LAYN: variants seen among roughly 807,000 people sequenced by gnomAD.
LAYN encodes the protein layilin.
In LAYN, 38 loss-of-function variants were observed where a neutral mutation model predicts 43.6. The ratio of observed to expected loss-of-function variants is 0.87; its 90% CI spans 0.67 to 1.14. The LOEUF (loss-of-function observed/expected upper bound fraction) is 1.14. Ranked by LOEUF, LAYN falls within the 50% of genes most tolerant of loss-of-function variation. The pLI is 0.00. For synonymous variants in LAYN, 168 were observed against 172.9 expected, an observed-to-expected ratio of 0.97 and a Z score of 0.22; for missense variants, 479 against 463.8, an observed-to-expected ratio of 1.03 and a Z score of -0.30.
intron 2 of LAYN, among the ~76,000 whole-genome samples, chr11:111,548,467 G>A (rs1867685372): frequency 1.3e-5 from 2 of 152,218 alleles, no homozygotes; most frequent in Non-Finnish European, 2.9e-5. Context: ...AGTCAGGGTA[G>A]GAGGCCCAAC....
At chr11:111,541,063 C>T in intron 1 of LAYN, 135 bp downstream of exon 1, 1 of 808,548 alleles carries the variant, frequency 1.2e-6, no homozygotes, top group South Asian at 1.7e-5. Context: ...CGCAGCCCTT[C>T]GGAGTCTCTT....
At position 111,544,340 on chromosome 11, in the gene LAYN, GA is replaced by G. The variant is rs1444213577; in HGVS notation, c.383+123del. On this transcript the variant is annotated intron_variant, in intron 2 of 6. Transcript: ENST00000375614. ...GACCAACCAGGCAGATCTCTGAAGG[GA>G]AAGTAGCACCAGAATAGCTGCTGAC... The G allele has an allele frequency of 1.7e-5, 17 of 986,370 alleles. No individual in the cohort carries two copies. The African/African-American group carries it at 2.8e-4, about 16-fold the overall frequency. The allele number at this position is 986,370 out of a possible 1,614,324, so 61.1% of individuals were successfully genotyped here.
chr11:111,545,781 C>T (rs1331369530), intron 2 of LAYN, among the ~76,000 whole-genome samples: 1 of 152,198 alleles, frequency 6.6e-6, no homozygotes, highest in East Asian at 1.9e-4. Context: ...GAGGCTACTC[C>T]TGCTTCCACC....
rs374011166 is a variant in LAYN, at chr11:111,560,231, C to T, written c.898C>T (p.Pro300Ser). Reference sequence around the variant, plus strand: ...CGAAGCTGACTTAGCTGAGACCCGGCCAGACCTGAAGAATATTTCATTCCG... The same window carrying T: ...CGAAGCTGACTTAGCTGAGACCCGGTCAGACCTGAAGAATATTTCATTCCG... ...QSEADLAETRPDLKNISFRVC... is the reference protein window; with the variant it reads ...QSEADLAETRSDLKNISFRVC... The change falls in exon 7 of 7, where the codon CCA (proline) becomes TCA (serine). Residue 300 changes from proline (P) to serine (S), a missense_variant. Coordinates refer to ENST00000375614, the MANE Select transcript of LAYN (RefSeq NM_178834.5). 6.2e-7 allele frequency: 1 copy of T among 1,614,088 alleles called. No homozygotes were observed. The highest frequency in any genetic ancestry group is 1.3e-5 in the African/African-American group (1 of 74,930).
intron 1 of LAYN, chr11:111,541,412 T>C (rs1867536019): frequency 1.4e-6 from 1 of 715,054 alleles, no homozygotes; most frequent in South Asian, 1.6e-5. Flanking sequence ...CTGTTACTCC[T>C]CGTCTCTTCT....
intron 5 of LAYN, 69 bp from the exon 6 acceptor site, chr11:111,557,472 C>T: frequency 8.2e-7 from 1 of 1,222,188 alleles, no homozygotes; most frequent in Non-Finnish European, 1.2e-6. Flanking sequence ...TTTTTTAAGC[C>T]TGGTTTGAAG....
At chr11:111,553,461 A>C (rs948555060) in intron 3 of LAYN, among the ~76,000 whole-genome samples, 2 of 151,212 alleles carry the variant, frequency 1.3e-5, no homozygotes, top group Admixed American at 6.6e-5. Context: ...TAAAAATAAA[A>C]GTACAAAATT....
chr11:111,547,952 C>T (rs1376246211), intron 2 of LAYN, among the ~76,000 whole-genome samples: 2 of 152,204 alleles, frequency 1.3e-5, no homozygotes, highest in Non-Finnish European at 2.9e-5. Context: ...CGCAGCTCAA[C>T]CTGCCCATCA....
chr11:111,552,336 C>G (rs1190328708), intron 3 of LAYN, among the ~76,000 whole-genome samples: 1 of 152,216 alleles, frequency 6.6e-6, no homozygotes, highest in Non-Finnish European at 1.5e-5. Flanking sequence ...ATAAGGCTGT[C>G]CCCTTCACTA....
At chr11:111,553,272 A>C (rs187046194) in intron 3 of LAYN, among the ~76,000 whole-genome samples, 125 of 151,754 alleles carry the variant, frequency 8.2e-4, no homozygotes, top group Non-Finnish European at 9.0e-4. Context: ...AATAAACAAC[A>C]ATAATAATAA....
At chr11:111,551,240 T>C in intron 3 of LAYN, 1 of 429,024 alleles carries the variant, frequency 2.3e-6, no homozygotes, top group South Asian at 1.7e-5. Flanking sequence ...TATCAAACCA[T>C]GCTGACGTGG....
intron 5 of LAYN, among the ~76,000 whole-genome samples, chr11:111,556,740 A>G (rs941203852): frequency 1.8e-4 from 27 of 152,128 alleles, no homozygotes; most frequent in African/African-American, 6.0e-4. Context: ...CAGGTTTGCA[A>G]TCTCACAGAA....
chr11:111,559,434 GTTTTA>G lies in LAYN; in HGVS notation c.762-643_762-639del, dbSNP rs879763038. ...ATGAGTCGTGTTTTTTGTTGTTTTG[GTTTTA>G]TTTTATTTTATTTTATTATTTTATT... is the stretch of plus-strand genomic sequence containing the variant. On this transcript the variant is annotated intron_variant, in intron 6 of 6. Coordinates refer to ENST00000375614, the MANE Select transcript of LAYN (RefSeq NM_178834.5). Among the ~76,000 whole-genome samples the G allele has an allele frequency of 8.2e-4, 125 of 151,564 alleles. 1 individual carries two copies. The highest frequency in any genetic ancestry group is 7.2e-4 in the Admixed American group (11 of 15,216).
At chr11:111,557,180 A>G (rs2135804260) in intron 5 of LAYN, among the ~76,000 whole-genome samples, 1 of 149,542 alleles carries the variant, frequency 6.7e-6, no homozygotes, top group African/African-American at 2.5e-5. Flanking sequence ...TTTTCTCTGA[A>G]AAAAAAAACA....
chr11:111,559,331 GAT>G (rs1371043958), intron 6 of LAYN, among the ~76,000 whole-genome samples: 1 of 152,080 alleles, frequency 6.6e-6, no homozygotes, highest in African/African-American at 2.4e-5. Flanking sequence ...TTCTAGTAGT[GAT>G]CAAGTCAAAG....
intron 1 of LAYN, among the ~76,000 whole-genome samples, chr11:111,542,628 G>A (rs1438258943): frequency 6.6e-6 from 1 of 152,190 alleles, no homozygotes; most frequent in African/African-American, 2.4e-5. Context: ...AGAAGTTCTG[G>A]GAGGAGGTTC....
chr11:111,547,428 G>A (rs1317698303), intron 2 of LAYN, among the ~76,000 whole-genome samples: 1 of 152,182 alleles, frequency 6.6e-6, no homozygotes, highest in Admixed American at 6.5e-5. Flanking sequence ...AGGAAATCCA[G>A]ATCTCTTTAC....
chr11:111,559,994 G>T lies in LAYN; in HGVS notation c.762-101G>T, dbSNP rs1024524483. On this transcript the variant is annotated intron_variant, in intron 6 of 6. Coordinates refer to ENST00000375614, the MANE Select transcript of LAYN (RefSeq NM_178834.5). ...TTACATAGACGAGACATGCAGCTGG[G>T]TGACTGCCCAGGGCTGCTTCCTCTC... 2.9e-6 allele frequency: 4 copies of T among 1,384,640 alleles called. No homozygotes were observed. The African/African-American group carries it at 5.8e-5, about 20-fold the overall frequency. The allele number at this position is 1,384,640 out of a possible 1,614,324, so 85.8% of individuals were successfully genotyped here. A position where few individuals can be genotyped will look rare whatever the true frequency, so the allele number is the denominator to read the frequency against.
chr11:111,559,819 T>C (rs990159832), intron 6 of LAYN, among the ~76,000 whole-genome samples: 8 of 152,162 alleles, frequency 5.3e-5, no homozygotes, highest in African/African-American at 1.9e-4. Context: ...TCTATTCAGT[T>C]CTATCCCTGG....
Sources: allele counts gnomAD v4.1 joint callset (sites outside exome capture counted in the v4.1 genomes callset), GRCh38; gene constraint gnomAD v4.1.1; transcripts MANE v1.5; gene names NCBI Gene and HGNC (gene_info 2026-07-23, HGNC 2026-07-21).